The following TLN2 variants were observed in gnomAD, a reference collection of about 807,000 sequenced individuals.
The protein encoded by TLN2 is talin 2.
A neutral mutation model predicts 294.7 loss-of-function variants in TLN2; 118 were observed. That is an observed-to-expected ratio of 0.40 (90% CI 0.34 to 0.47). The LOEUF (loss-of-function observed/expected upper bound fraction) is 0.47. TLN2 is among the 20% of genes least tolerant of loss of function. The pLI is 0.84. For synonymous variants in TLN2, 1,431 were observed against 1,304.5 expected, an observed-to-expected ratio of 1.10 and a Z score of -2.09; for missense variants, 3,083 against 3,282.2, an observed-to-expected ratio of 0.94 and a Z score of 1.48.
At chr15:62,693,081 A>G (rs141312368) in intron 13 of TLN2, 140 bp downstream of exon 13, 12 of 635,084 alleles carry the variant, frequency 1.9e-5, no homozygotes, top group African/African-American at 3.7e-5. Context: ...TGTAATCCCA[A>G]CACTTCGGGA....
intron 1 of TLN2, among the ~76,000 whole-genome samples, chr15:62,466,874 T>C (rs2037163137): frequency 1.3e-5 from 2 of 152,224 alleles, no homozygotes; most frequent in African/African-American, 4.8e-5. Context: ...GCTTGTACTT[T>C]TAATTTTTGC....
At chr15:62,507,283 G>A (rs1485760849) in intron 1 of TLN2, among the ~76,000 whole-genome samples, 1 of 152,220 alleles carries the variant, frequency 6.6e-6, no homozygotes, top group African/African-American at 2.4e-5. Context: ...GAAGTTATCA[G>A]TCAGCACAAT....
chr15:62,752,794 T>C (rs983537638), intron 35 of TLN2, among the ~76,000 whole-genome samples: 1 of 152,224 alleles, frequency 6.6e-6, no homozygotes, highest in East Asian at 1.9e-4. Flanking sequence ...TATGTCATGC[T>C]CTTTTTAGAA....
intron 1 of TLN2, among the ~76,000 whole-genome samples, chr15:62,457,510 C>T (rs1461557110): frequency 6.6e-6 from 1 of 152,182 alleles, no homozygotes; most frequent in Admixed American, 6.5e-5. Context: ...CTGGTGACTG[C>T]AGAGGAATTG....
chr15:62,524,794 G>A (rs2040649852), intron 1 of TLN2, among the ~76,000 whole-genome samples: 1 of 152,170 alleles, frequency 6.6e-6, no homozygotes, highest in African/African-American at 2.4e-5. Context: ...GAGAAACAGT[G>A]GTAGGATCTG....
At chr15:62,459,240 T>A (rs562040205) in intron 1 of TLN2, among the ~76,000 whole-genome samples, 13 of 151,628 alleles carry the variant, frequency 8.6e-5, no homozygotes, top group African/African-American at 3.1e-4. Context: ...GACCTCGTGA[T>A]CCACCTACCT....
chr15:62,567,553 A>C (rs1407315997), intron 1 of TLN2, among the ~76,000 whole-genome samples: 2 of 152,186 alleles, frequency 1.3e-5, no homozygotes, highest in Non-Finnish European at 2.9e-5. Context: ...TGAGGGGACC[A>C]GCCAGGAGCT....
At chr15:62,697,620 G>T (rs1362798767) in intron 14 of TLN2, 68 bp from the exon 15 acceptor site, 1 of 1,511,552 alleles carries the variant, frequency 6.6e-7, no homozygotes, top group East Asian at 2.3e-5. Flanking sequence ...CGTGACATCT[G>T]TGGGGTCTCC....
chr15:62,742,024 G>GT (rs1491242073), intron 32 of TLN2, among the ~76,000 whole-genome samples: 5,754 of 82,132 alleles, frequency 0.07, 470 homozygotes, highest in East Asian at 0.12. Context: ...CTTGTAGTGG[G>GT]GTGTGTGTGT....
intron 14 of TLN2, 147 bp downstream of exon 14, chr15:62,694,539 C>T: frequency 1.6e-6 from 1 of 634,916 alleles, no homozygotes; most frequent in Non-Finnish European, 2.7e-6. Context: ...AAGCGTGGTC[C>T]CCAGACCAGC....
intron 37 of TLN2, among the ~76,000 whole-genome samples, chr15:62,756,171 T>C (rs1052993191): frequency 2.0e-5 from 3 of 152,228 alleles, no homozygotes; most frequent in Admixed American, 6.5e-5. Flanking sequence ...TAAAACATTT[T>C]CATCATTCCT....
chr15:62,645,213 C>T (rs1394960962), intron 3 of TLN2: 1 of 153,044 alleles, frequency 6.5e-6, no homozygotes, highest in Non-Finnish European at 1.5e-5. Flanking sequence ...GTGGAGGAAG[C>T]TTTTACATAT....
rs1354240935 is a variant in TLN2, at chr15:62,686,710, G to A, written c.1027G>A (p.Val343Met). Reference protein sequence around the residue: ...LGITKDSVMRVDEKTKEVLQE... With the variant: ...LGITKDSVMRMDEKTKEVLQE... ...GATCACCAAAGACTCGGTGATGCGC[G>A]TGGATGAGAAGACCAAGGAAGTGCT... The change falls in exon 12 of 59, where the codon GTG (valine) becomes ATG (methionine). Residue 343 changes from valine (V) to methionine (M), a missense_variant. Val to Met is a conservative substitution (Grantham distance 21). Transcript: ENST00000636159. 3 of 1,614,024 alleles carry A rather than the reference G, an allele frequency of 1.9e-6. No individual in the cohort carries two copies. Among genetic ancestry groups the A allele is most frequent in the South Asian group, 2.2e-5 (2 of 91,070 alleles).
At chr15:62,522,918 A>G (rs909254749) in intron 1 of TLN2, among the ~76,000 whole-genome samples, 1 of 150,814 alleles carries the variant, frequency 6.6e-6, no homozygotes, top group Non-Finnish European at 1.5e-5. Context: ...TAATGAAATG[A>G]GTGGTCTGCC....
chr15:62,616,028 A>G (rs187097250), intron 2 of TLN2, among the ~76,000 whole-genome samples: 2 of 152,274 alleles, frequency 1.3e-5, no homozygotes. Context: ...GTTTTGTATC[A>G]TGATACTTGT....
intron 1 of TLN2, among the ~76,000 whole-genome samples, chr15:62,467,018 T>C (rs1372463669): frequency 6.6e-6 from 1 of 152,198 alleles, no homozygotes; most frequent in Non-Finnish European, 1.5e-5. Flanking sequence ...TGCCTCAAGC[T>C]TGGGGGAGGA....
intron 41 of TLN2, 28 bp from the exon 42 acceptor site, chr15:62,770,936 C>T: frequency 1.3e-6 from 2 of 1,555,748 alleles, no homozygotes; most frequent in Non-Finnish European, 1.7e-6. Flanking sequence ...CATGATACAT[C>T]TCTGGCTTTT....
chr15:62,709,970 G>C (rs1437586974), intron 21 of TLN2, among the ~76,000 whole-genome samples: 1 of 152,030 alleles, frequency 6.6e-6, no homozygotes, highest in African/African-American at 2.4e-5. Context: ...CCTGACCTCA[G>C]GTGATCTGCC....
intron 1 of TLN2, among the ~76,000 whole-genome samples, chr15:62,485,410 C>T (rs1309317420): frequency 6.6e-6 from 1 of 152,152 alleles, no homozygotes; most frequent in African/African-American, 2.4e-5. Context: ...CTGTGCTGTT[C>T]GATGCCTGGC....
Sources: allele counts gnomAD v4.1 joint callset (sites outside exome capture counted in the v4.1 genomes callset), GRCh38; gene constraint gnomAD v4.1.1; transcripts MANE v1.5; gene names NCBI Gene and HGNC (gene_info 2026-07-23, HGNC 2026-07-21).